Variants in PSPC1 observed in about 807,000 individuals in gnomAD.
PSPC1 encodes paraspeckle component 1.
PSPC1 carries 14 observed loss-of-function variants against 51.6 expected under a neutral mutation model. The ratio of observed to expected loss-of-function variants is 0.27; its 90% CI spans 0.18 to 0.42. The LOEUF (loss-of-function observed/expected upper bound fraction) is 0.42. Among genes scored for constraint, PSPC1 ranks in the 10% least tolerant of loss-of-function variants. The pLI is 1.00. For missense variants in PSPC1, 406 were observed against 701.1 expected (o/e 0.58, Z 4.75); for synonymous variants, 193 against 231.9 (o/e 0.83, Z 1.53).
chr13:19,734,253 G>A (rs915160420), intron 5 of PSPC1, among the ~76,000 whole-genome samples: 1 of 152,134 alleles, frequency 6.6e-6, no homozygotes, highest in African/African-American at 2.4e-5. Context: ...CTAAGGAGAG[G>A]AGAACTAGTA....
chr13:19,735,964 G>C (rs1362181636), intron 5 of PSPC1, among the ~76,000 whole-genome samples: 1 of 152,150 alleles, frequency 6.6e-6, no homozygotes, highest in Non-Finnish European at 1.5e-5. Context: ...GGGACTACAG[G>C]CGCCCGCCAC....
chr13:19,680,718 C>T (rs1877176794), intron 6 of PSPC1, among the ~76,000 whole-genome samples: 1 of 152,158 alleles, frequency 6.6e-6, no homozygotes, highest in South Asian at 2.1e-4. Flanking sequence ...GGTGGTCTGT[C>T]TTTAATTTCA....
chr13:19,735,415 T>C (rs1335121745), intron 5 of PSPC1, among the ~76,000 whole-genome samples: 1 of 152,170 alleles, frequency 6.6e-6, no homozygotes, highest in Admixed American at 6.6e-5. Context: ...AACTACTAAG[T>C]GGTCAAGTCA....
downstream of PSPC1, among the ~76,000 whole-genome samples, chr13:19,671,521 G>A (rs1487853626): frequency 6.6e-6 from 1 of 152,180 alleles, no homozygotes; most frequent in Non-Finnish European, 1.5e-5. Flanking sequence ...TCTAGAGGAT[G>A]GAGCCATCTG....
intron 6 of PSPC1, among the ~76,000 whole-genome samples, chr13:19,720,387 G>A (rs1263210317): frequency 2.0e-5 from 3 of 152,124 alleles, no homozygotes; most frequent in Non-Finnish European, 2.9e-5. Context: ...ACAGAAAAAA[G>A]CAGAAAAGAG....
chr13:19,744,556 TTTTTTTTTC>T (rs753691639), intron 4 of PSPC1, among the ~76,000 whole-genome samples: 45 of 151,376 alleles, frequency 3.0e-4, no homozygotes, highest in African/African-American at 7.5e-4. Flanking sequence ...TAGAGATGTC[TTTTTTTTTC>T]TTTTTTTTCT....
chr13:19,715,482 CA>C (rs1205658107), intron 6 of PSPC1, among the ~76,000 whole-genome samples: 1 of 152,100 alleles, frequency 6.6e-6, no homozygotes, highest in Non-Finnish European at 1.5e-5. Context: ...CCAAGTGCTC[CA>C]AAATCCAAAA....
At chr13:19,759,539 T>A in intron 2 of PSPC1, 121 bp from the exon 3 acceptor site, 1 of 723,322 alleles carries the variant, frequency 1.4e-6, no homozygotes. Context: ...TTGAGAAAAA[T>A]GTCTCAGAAG....
intron 4 of PSPC1, among the ~76,000 whole-genome samples, chr13:19,746,170 G>A (rs749891787): frequency 6.6e-6 from 1 of 151,902 alleles, no homozygotes; most frequent in Non-Finnish European, 1.5e-5. Context: ...TTGGGAGGCT[G>A]AGGTGGGCGG....
intron 5 of PSPC1, among the ~76,000 whole-genome samples, chr13:19,732,469 A>G (rs909965583): frequency 7.9e-5 from 12 of 152,204 alleles, no homozygotes; most frequent in African/African-American, 2.7e-4. Context: ...TTATATGCTC[A>G]GTGGGATCTG....
intron 5 of PSPC1, among the ~76,000 whole-genome samples, chr13:19,730,728 C>G (rs183185992): frequency 3.3e-5 from 5 of 151,936 alleles, no homozygotes; most frequent in African/African-American, 1.2e-4. Flanking sequence ...GAGGTTGAGG[C>G]GAGTACATCA....
At chr13:19,752,912 T>C (rs899852394) in intron 3 of PSPC1, among the ~76,000 whole-genome samples, 2 of 151,698 alleles carry the variant, frequency 1.3e-5, no homozygotes, top group Admixed American at 1.3e-4. Context: ...AGAATTTTTG[T>C]TGTTGGAGGT....
chr13:19,690,284 A>T lies in PSPC1; in HGVS notation c.1159-12461T>A, dbSNP rs79339444. Among the ~76,000 whole-genome samples, 26 of 152,344 alleles carry T rather than the reference A, an allele frequency of 1.7e-4. 1 individual carries two copies. The East Asian group carries it at 4.6e-3, about 27-fold the overall frequency. On this transcript the variant is annotated intron_variant and NMD_transcript_variant, in intron 6 of 7. Coordinates refer to the PSPC1 transcript ENST00000471658. Reference sequence around the variant, plus strand: ...TTAACTGGACCATCAATGTCTGAAGAAGTATATATAGTGATCACCTATAGA... The same window carrying T: ...TTAACTGGACCATCAATGTCTGAAGTAGTATATATAGTGATCACCTATAGA...
At position 19,730,969 on chromosome 13, in the gene PSPC1, A is replaced by AAAAAAC. The variant is rs1884022020; in HGVS notation, c.1053-626_1053-625insGTTTTT. 7.4e-4 allele frequency among the ~76,000 whole-genome samples: 108 copies of AAAAAAC among 146,688 alleles called. 3 individuals are homozygous for AAAAAAC. Among genetic ancestry groups the AAAAAAC allele is most frequent in the Non-Finnish European group, 1.3e-3 (84 of 66,158 alleles). Reference sequence around the variant, plus strand: ...CAGAAAAAAAAAACAAAAAAACAAAAAAAAAAAAAACAGAAAAAGTCTGAG... The same window carrying AAAAAAC: ...CAGAAAAAAAAAACAAAAAAACAAAAAAAAACAAAAAAAAAACAGAAAAAGTCTGAG... On this transcript the variant is annotated intron_variant, in intron 5 of 8. Transcript: ENST00000338910.
chr13:19,685,225 C>T (rs1877731462), intron 6 of PSPC1, among the ~76,000 whole-genome samples: 1 of 152,206 alleles, frequency 6.6e-6, no homozygotes, highest in Non-Finnish European at 1.5e-5. Flanking sequence ...CCAGCCCAAC[C>T]TTTGGCCCTT....
At position 19,782,427 on chromosome 13, in the gene PSPC1, C is replaced by G; in HGVS notation, c.331G>C (p.Val111Leu). 6.2e-7 allele frequency: 1 copy of G among 1,607,078 alleles called. No individual in the cohort carries two copies. The highest frequency in any genetic ancestry group is 8.5e-7 in the Non-Finnish European group (1 of 1,176,544). ...AAGCCACGGTCCCGGTTGATGAAGA[C>G]TTCGCTGGGCTCGCCATAGCGTTCG... ...LFERYGEPSE[V>L]FINRDRGFGF... Residue 111 changes from valine (V) to leucine (L), a missense_variant, in exon 1 of 9, where the codon GTC becomes CTC. Physicochemically the swap from Val to Leu is conservative, Grantham distance 32. Transcript: ENST00000338910. The surrounding 1 kb of genome is among the most constrained non-coding windows in gnomAD (Gnocchi z 4.5).
chr13:19,739,845 T>A (rs1885245193), intron 5 of PSPC1, among the ~76,000 whole-genome samples: 1 of 149,020 alleles, frequency 6.7e-6, no homozygotes, highest in African/African-American at 2.5e-5. Context: ...GGCACATTCA[T>A]GATGTTGAGA....
chr13:19,673,418 T>C, downstream of PSPC1: 1 of 243,584 alleles, frequency 4.1e-6, no homozygotes, highest in Admixed American at 5.0e-5. Context: ...TCCTATGGTT[T>C]TGTCAATAAA....
At chr13:19,727,029 C>T (rs1335747673) in intron 6 of PSPC1, among the ~76,000 whole-genome samples, 3 of 152,116 alleles carry the variant, frequency 2.0e-5, no homozygotes, top group African/African-American at 7.2e-5. Flanking sequence ...TGCAGGAAAC[C>T]TGAAAAGGGT....
Sources: gnomAD v4.1 joint callset for allele counts (sites outside exome capture counted in the v4.1 genomes callset) on GRCh38, gnomAD v4.1.1 for gene constraint, Gnocchi (gnomAD v3.1) non-coding constraint, MANE v1.5 for transcripts, NCBI Gene and HGNC (gene_info 2026-07-23, HGNC 2026-07-21) for gene names.